Variants in UNC5D observed in about 807,000 individuals in gnomAD.
UNC5D encodes the protein netrin receptor UNC5D.
A neutral mutation model predicts 105.4 loss-of-function variants in UNC5D; 39 were observed. The ratio of observed to expected loss-of-function variants is 0.37; its 90% CI spans 0.29 to 0.48. UNC5D has a LOEUF of 0.48. Ranked by LOEUF, UNC5D falls within the 20% of genes least tolerant of loss-of-function variation. The pLI is 0.98. For missense variants in UNC5D, 991 were observed against 1,202.4 expected (o/e 0.82, Z 2.60); for synonymous variants, 452 against 450.4 (o/e 1.00, Z -0.04).
chr8:35,342,396 G>A (rs1260410275), intron 1 of UNC5D, among the ~76,000 whole-genome samples: 2 of 152,036 alleles, frequency 1.3e-5, no homozygotes, highest in East Asian at 1.9e-4. Context: ...AAGATGTTGG[G>A]CATGGTCTTC....
At chr8:35,777,430 T>A (rs1441042537) in intron 16 of UNC5D, among the ~76,000 whole-genome samples, 1 of 152,152 alleles carries the variant, frequency 6.6e-6, no homozygotes, top group Non-Finnish European at 1.5e-5. Flanking sequence ...ACTAAATAAA[T>A]GAAAAACCTC....
chr8:35,596,868 G>A (rs962907885), intron 4 of UNC5D, among the ~76,000 whole-genome samples: 5 of 152,178 alleles, frequency 3.3e-5, no homozygotes, highest in African/African-American at 9.7e-5. Flanking sequence ...GGCCCTAAGC[G>A]GTTCCCAGCT....
chr8:35,554,099 C>A (rs1261750085), intron 2 of UNC5D, among the ~76,000 whole-genome samples: 1 of 152,128 alleles, frequency 6.6e-6, no homozygotes, highest in East Asian at 1.9e-4. Flanking sequence ...TGCATAGGAC[C>A]TGGGAGTGTT....
chr8:35,734,918 G>C (rs1829387100), intron 11 of UNC5D, among the ~76,000 whole-genome samples: 1 of 151,634 alleles, frequency 6.6e-6, no homozygotes, highest in Admixed American at 6.6e-5. Flanking sequence ...CGAGTAGCTG[G>C]GATTACAGGC....
At chr8:35,718,930 A>T (rs901589570) in intron 8 of UNC5D, among the ~76,000 whole-genome samples, 15 of 152,126 alleles carry the variant, frequency 9.9e-5, no homozygotes, top group African/African-American at 3.6e-4. Flanking sequence ...ATGAATGACA[A>T]TGCAATAAAG....
chr8:35,319,451 G>A (rs181014958), intron 1 of UNC5D, among the ~76,000 whole-genome samples: 1 of 152,120 alleles, frequency 6.6e-6, no homozygotes, highest in Non-Finnish European at 1.5e-5. Context: ...TTGGGTAAAG[G>A]TCAGATTAAT....
intron 1 of UNC5D, among the ~76,000 whole-genome samples, chr8:35,340,475 G>A (rs958560347): frequency 6.6e-6 from 1 of 152,146 alleles, no homozygotes; most frequent in African/African-American, 2.4e-5. Context: ...TGTGCTTGAG[G>A]GTTCACAGGG....
intron 1 of UNC5D, among the ~76,000 whole-genome samples, chr8:35,334,286 A>G (rs1026221501): frequency 3.9e-5 from 6 of 152,228 alleles, no homozygotes; most frequent in African/African-American, 1.4e-4. Flanking sequence ...AATTGTCCCT[A>G]AAGATTTTAC....
chr8:35,348,159 T>C (rs1225861662), intron 1 of UNC5D, among the ~76,000 whole-genome samples: 1 of 151,952 alleles, frequency 6.6e-6, no homozygotes, highest in Non-Finnish European at 1.5e-5. Flanking sequence ...CTCTTCCACT[T>C]TTTCTATTGC....
chr8:35,247,345 G>C (rs570139277), intron 1 of UNC5D, among the ~76,000 whole-genome samples: 4 of 149,680 alleles, frequency 2.7e-5, no homozygotes, highest in African/African-American at 9.8e-5. Flanking sequence ...TGGTGTAGCA[G>C]AAATAATATT....
intron 1 of UNC5D, among the ~76,000 whole-genome samples, chr8:35,322,899 C>T (rs539382233): frequency 6.6e-6 from 1 of 152,148 alleles, no homozygotes; most frequent in Admixed American, 6.5e-5. Context: ...TACTTTTTTG[C>T]CACATAATAT....
At position 35,599,467 on chromosome 8, in the gene UNC5D, T is replaced by C. The variant is rs1819704976; in HGVS notation, c.570+3810T>C. 2.0e-5 allele frequency among the ~76,000 whole-genome samples: 3 copies of C among 152,304 alleles called. No homozygotes were observed. The South Asian group carries it at 6.2e-4, about 32-fold the overall frequency. On this transcript the variant is annotated intron_variant, in intron 4 of 16. Transcript: ENST00000404895. Reference sequence around the variant, plus strand: ...TACACACATATTTCAAAACATGTTATACATGAAAAATATATACAATTTGTT... The same window carrying C: ...TACACACATATTTCAAAACATGTTACACATGAAAAATATATACAATTTGTT...
chr8:35,469,951 A>T (rs949864567), intron 1 of UNC5D, among the ~76,000 whole-genome samples: 5 of 152,226 alleles, frequency 3.3e-5, no homozygotes, highest in African/African-American at 1.2e-4. Flanking sequence ...TGTATGCTAC[A>T]TAATTATTAA....
chr8:35,534,981 C>T (rs1460185761), intron 1 of UNC5D, among the ~76,000 whole-genome samples: 1 of 152,152 alleles, frequency 6.6e-6, no homozygotes, highest in Non-Finnish European at 1.5e-5. Flanking sequence ...TTAGGGCACA[C>T]TGACCCATTT....
chr8:35,586,948 T>C (rs1259311437), intron 3 of UNC5D, among the ~76,000 whole-genome samples: 1 of 152,104 alleles, frequency 6.6e-6, no homozygotes, highest in Non-Finnish European at 1.5e-5. Flanking sequence ...TCTAACATAG[T>C]AGCATGAAAG....
At chr8:35,490,318 C>A (rs759938667) in intron 1 of UNC5D, among the ~76,000 whole-genome samples, 1 of 152,148 alleles carries the variant, frequency 6.6e-6, no homozygotes, top group Non-Finnish European at 1.5e-5. Flanking sequence ...GTCTGGGCAA[C>A]ATAGCAAGAC....
At chr8:35,280,276 ATGT>A (rs1222537466) in intron 1 of UNC5D, among the ~76,000 whole-genome samples, 14 of 152,298 alleles carry the variant, frequency 9.2e-5, no homozygotes, top group African/African-American at 2.9e-4. Flanking sequence ...GATTACAGGC[ATGT>A]GCTACCTTTT....
At chr8:35,299,185 G>A (rs1302399033) in intron 1 of UNC5D, among the ~76,000 whole-genome samples, 3 of 152,172 alleles carry the variant, frequency 2.0e-5, no homozygotes, top group African/African-American at 7.2e-5. Flanking sequence ...AGGACCAATT[G>A]GAATAAGGTT....
At chr8:35,470,990 G>T (rs912271250) in intron 1 of UNC5D, among the ~76,000 whole-genome samples, 3 of 152,032 alleles carry the variant, frequency 2.0e-5, no homozygotes, top group Non-Finnish European at 4.4e-5. Context: ...CTAACTCAAA[G>T]AGATTTAATT....
Sources: allele counts gnomAD v4.1 joint callset (sites outside exome capture counted in the v4.1 genomes callset), GRCh38; gene constraint gnomAD v4.1.1; transcripts MANE v1.5; gene names NCBI Gene and HGNC (gene_info 2026-07-23, HGNC 2026-07-21).